The following CNOT8 variants were observed in gnomAD, a reference collection of about 807,000 sequenced individuals.
CNOT8 encodes the protein CCR4-NOT transcription complex subunit 8.
In CNOT8, 18 loss-of-function variants were observed where a neutral mutation model predicts 34.6. The observed-to-expected ratio is 0.52, with a 90% CI of 0.36 to 0.77. The LOEUF (loss-of-function observed/expected upper bound fraction) is 0.77, where lower values mean the gene tolerates loss of function less well. Among genes scored for constraint, CNOT8 ranks in the 30% least tolerant of loss-of-function variants. The pLI, the probability that CNOT8 is intolerant of heterozygous loss-of-function variation, is 0.00. For missense variants in CNOT8, 189 were observed against 347.9 expected, an observed-to-expected ratio of 0.54 and a Z score of 3.63; for synonymous variants, 101 against 118.8, an observed-to-expected ratio of 0.85 and a Z score of 0.98.
intron 3 of CNOT8, among the ~76,000 whole-genome samples, chr5:154,866,826 T>A (rs1447836204): frequency 2.0e-5 from 3 of 152,128 alleles, no homozygotes; most frequent in Admixed American, 2.0e-4. Context: ...GGTGGGAGGA[T>A]CACTTGAACC....
chr5:154,874,290 G>A (rs1366407815), intron 6 of CNOT8, among the ~76,000 whole-genome samples: 1 of 151,954 alleles, frequency 6.6e-6, no homozygotes, highest in African/African-American at 2.4e-5. Context: ...AAAAGGAAAG[G>A]TTTAGGCCGG....
chr5:154,864,482 T>C (rs933882036), intron 2 of CNOT8, among the ~76,000 whole-genome samples: 3 of 151,910 alleles, frequency 2.0e-5, no homozygotes, highest in Admixed American at 6.6e-5. Flanking sequence ...AATTACAGAG[T>C]TAAGTCTTTA....
intron 3 of CNOT8, chr5:154,870,385 T>G: frequency 1.2e-5 from 3 of 242,126 alleles, no homozygotes; most frequent in Non-Finnish European, 1.6e-5. Context: ...TGCCTGGTGT[T>G]ATTGGTTTTT....
At chr5:154,867,739 A>T (rs1582598774) in intron 3 of CNOT8, 1 of 95,716 alleles carries the variant, frequency 1.0e-5, no homozygotes, top group Non-Finnish European at 2.9e-5. Flanking sequence ...GCTTGAGCTA[A>T]AAGACATAGG....
intron 5 of CNOT8, among the ~76,000 whole-genome samples, chr5:154,872,106 C>A (rs988730433): frequency 6.6e-6 from 1 of 152,110 alleles, no homozygotes; most frequent in African/African-American, 2.4e-5. Context: ...ATTCTTCACT[C>A]GAGGGCCATG....
At chr5:154,874,304 C>T (rs1044635000) in intron 6 of CNOT8, among the ~76,000 whole-genome samples, 13 of 151,930 alleles carry the variant, frequency 8.6e-5, no homozygotes, top group Admixed American at 3.3e-4. Flanking sequence ...AGGCCGGGTG[C>T]GGTGGCTCAC....
At chr5:154,874,498 C>T (rs1175732563) in intron 6 of CNOT8, among the ~76,000 whole-genome samples, 3 of 151,992 alleles carry the variant, frequency 2.0e-5, no homozygotes, top group Non-Finnish European at 4.4e-5. Context: ...ATCACTTGAG[C>T]CTGGGAGGCG....
At chr5:154,867,463 TA>T (rs1205360338) in intron 3 of CNOT8, among the ~76,000 whole-genome samples, 5 of 152,202 alleles carry the variant, frequency 3.3e-5, no homozygotes, top group Non-Finnish European at 7.3e-5. Context: ...TGTCATCTAG[TA>T]ATTTTGATTA....
At chr5:154,871,580 AAG>A in intron 4 of CNOT8, 148 bp from the exon 5 acceptor site, 5 of 629,160 alleles carry the variant, frequency 7.9e-6, no homozygotes, top group South Asian at 4.8e-5. Context: ...AAAAAAAAAA[AAG>A]ATTCAGATTA....
chr5:154,873,882 G>C (rs1762704407), intron 6 of CNOT8, among the ~76,000 whole-genome samples: 1 of 152,180 alleles, frequency 6.6e-6, no homozygotes, highest in South Asian at 2.1e-4. Context: ...TGGTGGGGGA[G>C]AGTGGTGTGC....
chr5:154,858,672 G>C lies in CNOT8; in HGVS notation c.-169G>C, dbSNP rs993298043. On this transcript the variant is annotated 5_prime_UTR_variant, in exon 1 of 7. Coordinates refer to ENST00000285896, the MANE Select transcript of CNOT8 (RefSeq NM_001301073.2). ...CCGGGGTAGAGGGAAAAGAGCTCCG[G>C]GCCAGGGGCTGCCGTCGCCGCCGTC... The C allele has an allele frequency of 6.6e-6, 1 of 152,162 alleles. No homozygotes were observed. The highest frequency in any genetic ancestry group is 1.5e-5 in the Non-Finnish European group (1 of 68,050). The allele number at this position is 152,162 out of a possible 1,614,324, so 9.4% of individuals were successfully genotyped here.
intron 2 of CNOT8, 56 bp downstream of exon 2, chr5:154,863,451 C>A: frequency 7.7e-7 from 1 of 1,293,496 alleles, no homozygotes; most frequent in Non-Finnish European, 1.1e-6. Flanking sequence ...TGGGGTCTTG[C>A]TCTGTTGCCC....
chr5:154,860,446 G>A (rs1343984017), intron 1 of CNOT8, among the ~76,000 whole-genome samples: 1 of 152,004 alleles, frequency 6.6e-6, no homozygotes, highest in East Asian at 1.9e-4. Flanking sequence ...AGCTGGGACT[G>A]CAGGCACACA....
At chr5:154,866,947 T>C (rs1761953615) in intron 3 of CNOT8, among the ~76,000 whole-genome samples, 2 of 151,668 alleles carry the variant, frequency 1.3e-5, no homozygotes, top group Non-Finnish European at 2.9e-5. Flanking sequence ...TACTTGGGAT[T>C]GAAGCCTAGT....
chr5:154,864,197 A>C (rs1000484269), intron 2 of CNOT8, among the ~76,000 whole-genome samples: 1 of 152,190 alleles, frequency 6.6e-6, no homozygotes, highest in African/African-American at 2.4e-5. Context: ...GCGGTGGCTC[A>C]CGCCTGTAAT....
At chr5:154,866,580 G>C (rs987718636) in intron 3 of CNOT8, among the ~76,000 whole-genome samples, 4 of 152,110 alleles carry the variant, frequency 2.6e-5, no homozygotes, top group Admixed American at 6.6e-5. Flanking sequence ...TTATTTCACT[G>C]AGTGGTTTGG....
chr5:154,867,800 GAAA>G (rs1338237915), intron 3 of CNOT8: 2 of 175,488 alleles, frequency 1.1e-5, no homozygotes, highest in Non-Finnish European at 2.5e-5. Context: ...GAGGTAAAGA[GAAA>G]AAAAATTTTT....
chr5:154,875,210 C>T (rs1762835454), intron 6 of CNOT8, 80 bp from the exon 7 acceptor site: 8 of 1,493,894 alleles, frequency 5.4e-6, no homozygotes, highest in Non-Finnish European at 7.3e-6. Flanking sequence ...AGCCATTGCA[C>T]CCGGCCAGAT....
At chr5:154,864,453 G>T in intron 2 of CNOT8, among the ~76,000 whole-genome samples, 1 of 148,850 alleles carries the variant, frequency 6.7e-6, no homozygotes, top group Admixed American at 6.6e-5. Flanking sequence ...GCGAGACTCC[G>T]TCCCAAAAAA....
Sources: gnomAD v4.1 joint callset for allele counts (sites outside exome capture counted in the v4.1 genomes callset) on GRCh38, gnomAD v4.1.1 for gene constraint, MANE v1.5 for transcripts, NCBI Gene and HGNC (gene_info 2026-07-23, HGNC 2026-07-21) for gene names.